ZBED6: variants seen among roughly 807,000 people sequenced by gnomAD.
ZBED6 encodes zinc finger BED domain-containing protein 6.
A neutral mutation model predicts 58.4 loss-of-function variants in ZBED6; 40 were observed. That is an observed-to-expected ratio of 0.68 (90% CI 0.53 to 0.89). ZBED6 has a LOEUF of 0.89. Ranked by LOEUF, ZBED6 falls within the 40% of genes least tolerant of loss-of-function variation. The probability of loss-of-function intolerance (pLI) is 0.00; values close to 1 mark genes in which losing one functional copy is unlikely to be tolerated. For missense variants in ZBED6, 1,057 were observed against 1,003.9 expected (o/e 1.05, Z -0.71); for synonymous variants, 439 against 350.6 (o/e 1.25, Z -2.82).
At chr1:203,815,599 C>G (rs1010796045) in intron 1 of ZBED6, among the ~76,000 whole-genome samples, 1 of 151,988 alleles carries the variant, frequency 6.6e-6, no homozygotes, top group African/African-American at 2.4e-5. Flanking sequence ...ATAATACATT[C>G]TAGAAATGGA....
intron 1 of ZBED6, among the ~76,000 whole-genome samples, chr1:203,813,704 T>G (rs1048396322): frequency 1.3e-5 from 2 of 152,152 alleles, no homozygotes; most frequent in Non-Finnish European, 2.9e-5. Context: ...CTCTGAAGCC[T>G]GTAGAGGAAT....
exon 1 of ZBED6, chr1:203,798,128 T>A: frequency 6.5e-7 from 1 of 1,536,158 alleles, no homozygotes. Context: ...TTACCTTGGA[T>A]GTGTCTTTAT....
chr1:203,795,955 CA>C (rs1213409747), exon 1 of ZBED6: 1 of 151,850 alleles, frequency 6.6e-6, no homozygotes, highest in African/African-American at 2.4e-5. Context: ...CCCTCCCCCC[CA>C]CCTCCCGGTC....
intron 1 of ZBED6, among the ~76,000 whole-genome samples, chr1:203,810,420 T>C (rs1234412731): frequency 2.1e-5 from 3 of 146,112 alleles, no homozygotes; most frequent in East Asian, 2.3e-4. Flanking sequence ...TTGTAGCTGT[T>C]AGGTTTTTTT....
chr1:203,841,421 AT>A (rs1686159796), intron 11 of ZBED6, among the ~76,000 whole-genome samples: 1 of 152,198 alleles, frequency 6.6e-6, no homozygotes, highest in Non-Finnish European at 1.5e-5. Context: ...CCCTTAATCA[AT>A]TTAACCCTGT....
intron 3 of ZBED6, among the ~76,000 whole-genome samples, chr1:203,821,425 A>G (rs543666300): frequency 7.0e-4 from 107 of 152,134 alleles, no homozygotes; most frequent in African/African-American, 2.5e-3. Context: ...TGTTACTATC[A>G]TTACTTTTAT....
At chr1:203,848,807 A>T (rs1026911409) in intron 13 of ZBED6, among the ~76,000 whole-genome samples, 1 of 152,178 alleles carries the variant, frequency 6.6e-6, no homozygotes, top group African/African-American at 2.4e-5. Context: ...GCATCATACA[A>T]AAGTTGGAAA....
chr1:203,797,295 A>G, exon 1 of ZBED6: 1 of 361,164 alleles, frequency 2.8e-6, no homozygotes, highest in South Asian at 5.4e-5. Flanking sequence ...AACTTAGAAA[A>G]TTGGAAGGGA....
chr1:203,847,809 T>C (rs1157238178), intron 12 of ZBED6, 122 bp downstream of exon 12: 14 of 1,399,174 alleles, frequency 1.0e-5, no homozygotes, highest in Non-Finnish European at 1.2e-5. Context: ...TTGAAAACAC[T>C]GAATTAAATG....
intron 3 of ZBED6, among the ~76,000 whole-genome samples, chr1:203,821,684 C>T (rs1678745775): frequency 6.6e-6 from 1 of 152,088 alleles, no homozygotes; most frequent in Admixed American, 6.5e-5. Context: ...ACTTTCAGGT[C>T]CTCTCAGTGG....
intron 9 of ZBED6, among the ~76,000 whole-genome samples, chr1:203,836,844 G>A (rs1168583034): frequency 1.3e-5 from 2 of 152,188 alleles, no homozygotes; most frequent in East Asian, 3.8e-4. Flanking sequence ...GATGACTTGG[G>A]TAAGATACAG....
intron 1 of ZBED6, among the ~76,000 whole-genome samples, chr1:203,808,426 T>C (rs1187509829): frequency 6.6e-6 from 1 of 152,212 alleles, no homozygotes; most frequent in Non-Finnish European, 1.5e-5. Context: ...AGCAGAGATG[T>C]CTTTAAAGAA....
At chr1:203,798,941 G>C in exon 1 of ZBED6, 1 of 1,536,126 alleles carries the variant, frequency 6.5e-7, no homozygotes, top group African/African-American at 1.4e-5. Flanking sequence ...TAACTTTAGA[G>C]AATGTTCAAA....
At chr1:203,810,854 G>A (rs941851824) in intron 1 of ZBED6, among the ~76,000 whole-genome samples, 1 of 151,970 alleles carries the variant, frequency 6.6e-6, no homozygotes, top group Admixed American at 6.6e-5. Context: ...AATTAGTTGT[G>A]GGCCAGACGC....
At chr1:203,816,624 C>G (rs12118175) in intron 1 of ZBED6, among the ~76,000 whole-genome samples, 74,175 of 151,918 alleles carry the variant, frequency 0.49, 18,689 homozygotes, top group Non-Finnish European at 0.53. Flanking sequence ...GAGTGAGACA[C>G]TGTCTCTAAA....
chr1:203,831,504 A>G (rs1682356615), intron 7 of ZBED6, among the ~76,000 whole-genome samples, 157 bp from the exon 8 acceptor site: 1 of 152,208 alleles, frequency 6.6e-6, no homozygotes, highest in African/African-American at 2.4e-5. Flanking sequence ...CCACTACTCC[A>G]TTTGACTGTA....
At chr1:203,837,834 C>A (rs1321131779) in intron 9 of ZBED6, 132 bp from the exon 10 acceptor site, 2 of 795,796 alleles carry the variant, frequency 2.5e-6, no homozygotes, top group East Asian at 2.7e-5. Flanking sequence ...TCTAAGGAAG[C>A]TGGTGAACAA....
exon 17 of ZBED6, chr1:203,853,059 C>T (rs1689603979): frequency 6.6e-6 from 1 of 152,014 alleles, no homozygotes; most frequent in South Asian, 2.1e-4. Context: ...TTTTAAAAGG[C>T]TTTAAAGTGC....
intron 16 of ZBED6, 127 bp downstream of exon 16, chr1:203,851,251 CAAGA>C: frequency 1.2e-6 from 1 of 834,532 alleles, no homozygotes; most frequent in South Asian, 1.9e-5. Context: ...AAATTAATTG[CAAGA>C]AAGTATGAAA....
Sources: gnomAD v4.1 joint callset for allele counts (sites outside exome capture counted in the v4.1 genomes callset) on GRCh38, gnomAD v4.1.1 for gene constraint, MANE v1.5 for transcripts, NCBI Gene and HGNC (gene_info 2026-07-23, HGNC 2026-07-21) for gene names.